The following MLLT10 variants were observed in gnomAD, a reference collection of about 807,000 sequenced individuals.
MLLT10 encodes protein AF-10.
A neutral mutation model predicts 129.1 loss-of-function variants in MLLT10; 30 were observed. The observed-to-expected ratio is 0.23, with a 90% CI of 0.17 to 0.32. The LOEUF is 0.32. Among genes scored for constraint, MLLT10 ranks in the 10% least tolerant of loss-of-function variants. The pLI is 1.00. For synonymous variants in MLLT10, 490 were observed against 446.4 expected, an observed-to-expected ratio of 1.10 and a Z score of -1.23; for missense variants, 1,119 against 1,268.3, an observed-to-expected ratio of 0.88 and a Z score of 1.79.
At chr10:21,665,292 TG>T (rs1239491030) in intron 9 of MLLT10, among the ~76,000 whole-genome samples, 5 of 107,246 alleles carry the variant, frequency 4.7e-5, no homozygotes, top group Non-Finnish European at 5.9e-5. Context: ...TTTGTTTGTT[TG>T]TTTTTTTTGG....
chr10:21,625,329 G>C, intron 8 of MLLT10: 1 of 771,048 alleles, frequency 1.3e-6, no homozygotes, highest in Non-Finnish European at 2.3e-6. Context: ...TCTTCAGAAT[G>C]AACAAATGCA....
chr10:21,625,377 A>G (rs768432763), intron 8 of MLLT10: 172 of 787,032 alleles, frequency 2.2e-4, no homozygotes, highest in Non-Finnish European at 3.6e-4. Flanking sequence ...AGTTCTCCAA[A>G]TTCAGAAAAT....
chr10:21,609,004 T>A (rs577084584), intron 5 of MLLT10, among the ~76,000 whole-genome samples: 1 of 152,238 alleles, frequency 6.6e-6, no homozygotes, highest in South Asian at 2.1e-4. Flanking sequence ...TGTGTCTTAC[T>A]GTTGTTTGTT....
intron 8 of MLLT10, among the ~76,000 whole-genome samples, chr10:21,621,962 A>G (rs2045904937): frequency 1.3e-5 from 2 of 152,142 alleles, no homozygotes; most frequent in South Asian, 4.1e-4. Context: ...TTAATTTACA[A>G]CTTCATATGG....
chr10:21,543,119 T>G (rs1439357744), intron 3 of MLLT10, among the ~76,000 whole-genome samples: 1 of 151,156 alleles, frequency 6.6e-6, no homozygotes, highest in Admixed American at 6.6e-5. Flanking sequence ...GCCCGGCTAG[T>G]TTTTTGTTTT....
intron 4 of MLLT10, among the ~76,000 whole-genome samples, chr10:21,595,073 G>A (rs1392750372): frequency 6.6e-5 from 10 of 152,222 alleles, no homozygotes; most frequent in Non-Finnish European, 1.3e-4. Flanking sequence ...AAGTGTTAGT[G>A]CCAACATCTG....
At chr10:21,583,887 TGAGACG>T (rs1200438790) in intron 3 of MLLT10, among the ~76,000 whole-genome samples, 1 of 151,992 alleles carries the variant, frequency 6.6e-6, no homozygotes, top group Non-Finnish European at 1.5e-5. Context: ...TTTTTTTTTT[TGAGACG>T]GAGTCTCGCT....
At chr10:21,570,365 G>T (rs1267302719) in intron 3 of MLLT10, among the ~76,000 whole-genome samples, 9 of 152,148 alleles carry the variant, frequency 5.9e-5, no homozygotes, top group Non-Finnish European at 1.2e-4. Flanking sequence ...GAGCCACTGC[G>T]CTCAGCCACT....
At chr10:21,551,232 C>A (rs950737069) in intron 3 of MLLT10, among the ~76,000 whole-genome samples, 10 of 138,076 alleles carry the variant, frequency 7.2e-5, no homozygotes, top group Middle Eastern at 4.2e-3. Context: ...GCCAACTTAT[C>A]TTTGATTTCT....
chr10:21,557,118 C>T (rs1412176003), intron 3 of MLLT10: 2 of 1,389,930 alleles, frequency 1.4e-6, no homozygotes, highest in Non-Finnish European at 1.9e-6. Flanking sequence ...ACATTTTTGC[C>T]CTTTTGTCTT....
Position 21,673,577 on chromosome 10 carries a change from A to C in MLLT10, c.1279A>C (p.Thr427Pro), listed in dbSNP as rs766033398. 2 of 1,613,214 alleles carry C rather than the reference A, an allele frequency of 1.2e-6. No individual in the cohort carries two copies. Among genetic ancestry groups the C allele is most frequent in the Non-Finnish European group, 1.7e-6 (2 of 1,179,796 alleles). The change falls in exon 11 of 23, where the codon ACT (threonine) becomes CCT (proline). Residue 427 changes from threonine to proline, a missense_variant. Around this residue, in one of 5 missense-constraint regions of MLLT10, gnomAD observed 1,004 missense variants for 1,008.7 expected, o/e 1.00. Transcript: ENST00000307729. ...TGGCCTCCCTTCAACCTCAGCTGTT[A>C]CTTCACAGCCTAAAAGCTTTGAAAA... ...LIGLPSTSAVTSQPKSFENSP... is the reference protein window; with the variant it reads ...LIGLPSTSAVPSQPKSFENSP...
intron 13 of MLLT10, chr10:21,688,605 A>G: frequency 7.1e-7 from 1 of 1,404,206 alleles, no homozygotes; most frequent in South Asian, 1.2e-5. Context: ...GTAGCTTGGA[A>G]ACCTTCCCAT....
intron 13 of MLLT10, chr10:21,688,431 A>G: frequency 7.2e-7 from 1 of 1,397,098 alleles, no homozygotes; most frequent in South Asian, 1.2e-5. Context: ...CTTGTCTGTC[A>G]TGGTGGTTTT....
intron 2 of MLLT10, among the ~76,000 whole-genome samples, chr10:21,538,276 T>G (rs1221749441): frequency 6.6e-6 from 1 of 151,902 alleles, no homozygotes; most frequent in Non-Finnish European, 1.5e-5. Flanking sequence ...GCGATTCTCC[T>G]GCCGCAGCCT....
chr10:21,740,530 T>G (rs2058740480), intron 22 of MLLT10, among the ~76,000 whole-genome samples: 1 of 152,234 alleles, frequency 6.6e-6, no homozygotes, highest in African/African-American at 2.4e-5. Context: ...GTTGGTGCTT[T>G]CTGAGAAGCT....
intron 4 of MLLT10, among the ~76,000 whole-genome samples, chr10:21,587,027 A>C (rs1320806699): frequency 6.8e-6 from 1 of 148,148 alleles, no homozygotes; most frequent in African/African-American, 2.5e-5. Context: ...TGTTTTGTGT[A>C]TCTCTAGACA....
chr10:21,602,312 C>A (rs562309728), intron 5 of MLLT10, among the ~76,000 whole-genome samples: 1 of 152,216 alleles, frequency 6.6e-6, no homozygotes, highest in East Asian at 1.9e-4. Context: ...GCCTCTTTCT[C>A]CCCTACCCCC....
rs1320159154 is a variant in MLLT10 at position 21,631,933 on chromosome 10, T to G, written c.699+14726T>G. Among the ~76,000 whole-genome samples, 61 of 29,722 alleles carry G rather than the reference T, an allele frequency of 2.1e-3. No individual in the cohort carries two copies. In the African/African-American group the frequency reaches 0.037, roughly 18 times the overall value. The allele number at this position is 29,722 out of a possible 152,430, so 19.5% of individuals were successfully genotyped here. On this transcript the variant is annotated intron_variant, in intron 8 of 22. Transcript: ENST00000307729. ...ACAACTTGAAGAGTTTTTTTTTTGG[T>G]TTTTTTTTTTTTTTGGTTTTAGTAC... is the stretch of plus-strand genomic sequence containing the variant.
At chr10:21,540,060 G>A (rs1316275801) in intron 3 of MLLT10, among the ~76,000 whole-genome samples, 2 of 152,052 alleles carry the variant, frequency 1.3e-5, no homozygotes, top group East Asian at 3.9e-4. Flanking sequence ...TTTGAAACCA[G>A]CCTGGTCAAC....
Sources: allele counts gnomAD v4.1 joint callset (sites outside exome capture counted in the v4.1 genomes callset), GRCh38; gene constraint gnomAD v4.1.1; regional missense constraint gnomAD v4.1.1; transcripts MANE v1.5; gene names NCBI Gene and HGNC (gene_info 2026-07-23, HGNC 2026-07-21).